PSMF1: variants seen among roughly 807,000 people sequenced by gnomAD.
PSMF1 encodes the protein proteasome inhibitor subunit 1.
In PSMF1, 30 loss-of-function variants were observed where a neutral mutation model predicts 29.3. That is an observed-to-expected ratio of 1.02 (90% CI 0.77 to 1.39). The LOEUF (loss-of-function observed/expected upper bound fraction) is 1.39. Among genes scored for constraint, PSMF1 ranks in the 40% most tolerant of loss-of-function variants. PSMF1 has a pLI of 0.00. For synonymous variants in PSMF1, 134 were observed against 139.7 expected, an observed-to-expected ratio of 0.96 and a Z score of 0.29; for missense variants, 344 against 357.5, an observed-to-expected ratio of 0.96 and a Z score of 0.31.
chr20:1,165,226 C>G lies in PSMF1; in HGVS notation c.*146C>G. On this transcript the variant is annotated 3_prime_UTR_variant, in exon 7 of 7. Coordinates refer to ENST00000335877, the MANE Select transcript of PSMF1 (RefSeq NM_006814.5). ...GACCGGCTGGGATAGCCTCCCCACC[C>G]CTTATCAGAGCCAAGACACCTGCTG... The G allele has an allele frequency of 6.8e-7, 1 of 1,468,300 alleles. No homozygotes were observed. The highest frequency in any genetic ancestry group is 9.0e-7 in the Non-Finnish European group (1 of 1,109,970). The allele number at this position is 1,468,300 out of a possible 1,614,324, so 91.0% of individuals were successfully genotyped here.
At chr20:1,160,085 T>TA (rs915906760) in intron 4 of PSMF1, among the ~76,000 whole-genome samples, 25 of 151,998 alleles carry the variant, frequency 1.6e-4, no homozygotes, top group African/African-American at 5.8e-4. Flanking sequence ...CCCTATGCAT[T>TA]ACGGAAAAAA....
chr20:1,142,448 G>A (rs939452863), intron 4 of PSMF1, among the ~76,000 whole-genome samples: 15 of 151,158 alleles, frequency 9.9e-5, no homozygotes, highest in Non-Finnish European at 2.1e-4. Flanking sequence ...AGGCCCCGGT[G>A]TGTGATGTTC....
intron 3 of PSMF1, among the ~76,000 whole-genome samples, chr20:1,131,064 C>T (rs2086222470): frequency 6.6e-6 from 1 of 152,082 alleles, no homozygotes; most frequent in Non-Finnish European, 1.5e-5. Context: ...TGAGCCAGGC[C>T]TGGCCGGCAG....
intron 3 of PSMF1, among the ~76,000 whole-genome samples, chr20:1,133,995 C>CTT (rs1555760428): frequency 7.9e-5 from 12 of 151,316 alleles, no homozygotes; most frequent in Admixed American, 4.6e-4. Flanking sequence ...TGTGTCCTCT[C>CTT]TTTGTATTTG....
Position 1,169,369 on chromosome 20 carries a change from G to A in PSMF1, c.*4289G>A, listed in dbSNP as rs117554528. Among the ~76,000 whole-genome samples the A allele has an allele frequency of 8.9e-4, 135 of 152,262 alleles. 2 individuals are homozygous for A. The East Asian group carries it at 0.023, about 26-fold the overall frequency. Reference sequence around the variant, plus strand: ...GAGTGGTAGTGCCCATGGGAGGTGCGAAGTGGAAGGCCCAGCCCTTGCTTG... The same window carrying A: ...GAGTGGTAGTGCCCATGGGAGGTGCAAAGTGGAAGGCCCAGCCCTTGCTTG... On this transcript the variant is annotated 3_prime_UTR_variant, in exon 7 of 7. Coordinates refer to ENST00000335877, the MANE Select transcript of PSMF1 (RefSeq NM_006814.5).
At chr20:1,151,897 G>A (rs2086535399) in intron 4 of PSMF1, among the ~76,000 whole-genome samples, 2 of 152,188 alleles carry the variant, frequency 1.3e-5, no homozygotes, top group Non-Finnish European at 2.9e-5. Flanking sequence ...AAATCATCTT[G>A]TAGAAGTGGG....
At chr20:1,120,215 G>C (rs1303098249) in intron 1 of PSMF1, among the ~76,000 whole-genome samples, 2 of 151,814 alleles carry the variant, frequency 1.3e-5, no homozygotes, top group African/African-American at 4.8e-5. Context: ...TTTTTCCCCA[G>C]ACCTCAATTA....
Position 1,118,825 on chromosome 20 carries a change from A to C in PSMF1, c.52A>C (p.Arg18=). 3 of 1,613,768 alleles carry C rather than the reference A, an allele frequency of 1.9e-6. No individual in the cohort carries two copies. The highest frequency in any genetic ancestry group is 2.5e-6 in the Non-Finnish European group (3 of 1,179,708). The change falls in exon 1 of 7, where the codon AGG becomes CGG. Residue 18 remains arginine, a synonymous_variant. Coordinates refer to ENST00000335877, the MANE Select transcript of PSMF1 (RefSeq NM_006814.5). ...FASAAPAITC[R]QDALVCFLHW... ...ATCGGCAGCGCCGGCCATCACCTGC[A>C]GGCAGGACGCGCTCGTCTGCTTCTT...
At chr20:1,162,186 C>T (rs2122609304) in intron 4 of PSMF1, among the ~76,000 whole-genome samples, 1 of 152,322 alleles carries the variant, frequency 6.6e-6, no homozygotes, top group South Asian at 2.1e-4. Context: ...TGTTTTCCTG[C>T]CAGAACACCA....
At position 1,172,123 on chromosome 20, in the gene PSMF1, A is replaced by G. The variant is rs2086796260; in HGVS notation, c.*7043A>G. Among the ~76,000 whole-genome samples the G allele has an allele frequency of 6.6e-6, 1 of 152,172 alleles. No homozygotes were observed. Among genetic ancestry groups the G allele is most frequent in the African/African-American group, 2.4e-5 (1 of 41,432 alleles). On this transcript the variant is annotated 3_prime_UTR_variant, in exon 7 of 7. Transcript: ENST00000335877. ...CCAACCTGCCCTCCTCCTCTCCCCC[A>G]CAGAGCTTCCCAATTTACATGTAAA...
rs543040418 is a variant in PSMF1, at chr20:1,118,658, T to A, written c.-116T>A. 1.8e-5 allele frequency: 24 copies of A among 1,307,796 alleles called. No homozygotes were observed. The South Asian group carries it at 3.3e-4, about 18-fold the overall frequency. 81.0% of individuals were successfully genotyped at this position (1,307,796 alleles called of 1,614,324 possible). ...CTCCATTTTGGTCTCAGGTGTGGAC[T>A]CGGCAAGAACCAGCGCAAGAGGGAA... is the stretch of plus-strand genomic sequence containing the variant. On this transcript the variant is annotated 5_prime_UTR_variant, in exon 1 of 7. Coordinates refer to ENST00000335877, the MANE Select transcript of PSMF1 (RefSeq NM_006814.5).
intron 4 of PSMF1, among the ~76,000 whole-genome samples, chr20:1,153,874 A>G (rs890734871): frequency 3.3e-5 from 5 of 152,204 alleles, no homozygotes; most frequent in Non-Finnish European, 7.3e-5. Context: ...TGTTCCCATC[A>G]TATAGTAGTG....
At chr20:1,129,577 G>A (rs1464657508) in intron 3 of PSMF1, among the ~76,000 whole-genome samples, 3 of 152,200 alleles carry the variant, frequency 2.0e-5, no homozygotes, top group Non-Finnish European at 4.4e-5. Flanking sequence ...AGTTGGACCA[G>A]TCTTTCAGAC....
At position 1,169,443 on chromosome 20, in the gene PSMF1, C is replaced by T. The variant is rs1375843793; in HGVS notation, c.*4363C>T. On this transcript the variant is annotated 3_prime_UTR_variant, in exon 7 of 7. Transcript: ENST00000335877. The stretch of plus-strand genomic sequence containing the variant: ...AGTGCAATAGAGGTCACTGGATGCC[C>T]ATTTGAACAGCTGCGTTCCAGATGA... Among the ~76,000 whole-genome samples the T allele has an allele frequency of 6.6e-6, 1 of 152,160 alleles. No individual in the cohort carries two copies. Among genetic ancestry groups the T allele is most frequent in the African/African-American group, 2.4e-5 (1 of 41,426 alleles).
intron 1 of PSMF1, 76 bp downstream of exon 1, chr20:1,118,978 A>T: frequency 6.5e-7 from 1 of 1,539,612 alleles, no homozygotes; most frequent in Non-Finnish European, 8.8e-7. Flanking sequence ...GGCCTGGTCC[A>T]GAGCGCCCGA....
intron 4 of PSMF1, among the ~76,000 whole-genome samples, chr20:1,154,941 G>A (rs1438554439): frequency 6.6e-6 from 1 of 152,244 alleles, no homozygotes; most frequent in Non-Finnish European, 1.5e-5. Context: ...TTGGCATTCT[G>A]TACTGATAAA....
chr20:1,135,623 A>T (rs946959627), intron 4 of PSMF1, among the ~76,000 whole-genome samples: 1 of 152,164 alleles, frequency 6.6e-6, no homozygotes, highest in Non-Finnish European at 1.5e-5. Flanking sequence ...CTGCCCAGGT[A>T]ATTCACAGCT....
intron 3 of PSMF1, among the ~76,000 whole-genome samples, chr20:1,133,321 A>G (rs2086255169): frequency 6.6e-6 from 1 of 150,510 alleles, no homozygotes; most frequent in African/African-American, 2.4e-5. Context: ...ATTTTGTCAA[A>G]AGCTTTTTTC....
chr20:1,161,512 A>G (rs2086666749), intron 4 of PSMF1: 2 of 540,164 alleles, frequency 3.7e-6, no homozygotes, highest in Admixed American at 5.0e-5. Flanking sequence ...AACAGGATGC[A>G]GAAAGAGATC....
Sources: allele counts gnomAD v4.1 joint callset (sites outside exome capture counted in the v4.1 genomes callset), GRCh38; gene constraint gnomAD v4.1.1; transcripts MANE v1.5; gene names NCBI Gene and HGNC (gene_info 2026-07-23, HGNC 2026-07-21).